JARID2: variants seen among roughly 807,000 people sequenced by gnomAD.
JARID2 encodes the protein jumonji and AT-rich interaction domain containing 2, also known as protein Jumonji.
A neutral mutation model predicts 125.6 loss-of-function variants in JARID2; 21 were observed. That is an observed-to-expected ratio of 0.17 (90% CI 0.12 to 0.24). JARID2 has a LOEUF of 0.24. Among genes scored for constraint, JARID2 ranks in the 10% least tolerant of loss-of-function variants. The probability of loss-of-function intolerance (pLI) is 1.00; values close to 1 mark genes in which losing one functional copy is unlikely to be tolerated. For synonymous variants in JARID2, 736 were observed against 661.6 expected (o/e 1.11, Z -1.73); for missense variants, 1,303 against 1,639.6 (o/e 0.79, Z 3.55).
intron 3 of JARID2, among the ~76,000 whole-genome samples, chr6:15,446,622 A>G (rs113261227): frequency 4.6e-5 from 7 of 152,256 alleles, no homozygotes; most frequent in Middle Eastern, 3.4e-3. Context: ...AATACACTCT[A>G]TGGGATCCCA....
At chr6:15,251,216 A>G (rs956362649) in intron 1 of JARID2, among the ~76,000 whole-genome samples, 1 of 152,116 alleles carries the variant, frequency 6.6e-6, no homozygotes, top group African/African-American at 2.4e-5. Context: ...TCATTTCACC[A>G]TATTGGCCTA....
chr6:15,473,081 C>A (rs529850418), intron 5 of JARID2, among the ~76,000 whole-genome samples: 1 of 152,244 alleles, frequency 6.6e-6, no homozygotes, highest in Admixed American at 6.5e-5. Context: ...TTACATGTTC[C>A]CGAAATTGCT....
chr6:15,395,701 T>G (rs1412907438), intron 2 of JARID2, among the ~76,000 whole-genome samples: 1 of 150,820 alleles, frequency 6.6e-6, no homozygotes, highest in Non-Finnish European at 1.5e-5. Context: ...CTCCCAGCTC[T>G]GTCACCAGGC....
intron 6 of JARID2, 128 bp from the exon 7 acceptor site, chr6:15,496,004 T>C (rs1770398722): frequency 2.7e-6 from 2 of 749,636 alleles, no homozygotes; most frequent in South Asian, 1.7e-5. Flanking sequence ...TCTCTTCTTA[T>C]CACACTACAG....
Position 15,390,549 on chromosome 6 carries a change from C to T in JARID2, c.181+16297C>T, listed in dbSNP as rs370265666. On this transcript the variant is annotated intron_variant, in intron 2 of 17. Transcript: ENST00000341776. ...AGTGGATGTTGACATCCCTGCTGGCCGATTTCTTAGCCCCTCTGTGAGAAA... is the reference window on the plus strand; with the variant it reads ...AGTGGATGTTGACATCCCTGCTGGCTGATTTCTTAGCCCCTCTGTGAGAAA... Among the ~76,000 whole-genome samples the T allele has an allele frequency of 2.8e-4, 42 of 152,244 alleles. No individual in the cohort carries two copies. In the East Asian group the frequency reaches 5.4e-3, roughly 20 times the overall value.
chr6:15,418,455 C>T (rs376041486), intron 3 of JARID2, among the ~76,000 whole-genome samples: 3 of 152,136 alleles, frequency 2.0e-5, no homozygotes, highest in Non-Finnish European at 2.9e-5. Context: ...ACCTCGTGAT[C>T]GCCCGCCTCG....
intron 1 of JARID2, among the ~76,000 whole-genome samples, chr6:15,313,412 A>G (rs1352458059): frequency 6.6e-6 from 1 of 152,160 alleles, no homozygotes; most frequent in Non-Finnish European, 1.5e-5. Flanking sequence ...CAGCTCCCCA[A>G]GCCCTAGGAG....
At chr6:15,440,481 T>C (rs1767399322) in intron 3 of JARID2, among the ~76,000 whole-genome samples, 1 of 152,316 alleles carries the variant, frequency 6.6e-6, no homozygotes, top group South Asian at 2.1e-4. Flanking sequence ...GGTTTCTGTT[T>C]TGTGGCCTGA....
intron 3 of JARID2, among the ~76,000 whole-genome samples, chr6:15,436,972 T>C (rs558562459): frequency 6.6e-6 from 1 of 152,264 alleles, no homozygotes; most frequent in South Asian, 2.1e-4. Context: ...GAGCTCTAAA[T>C]GGAACCCTCC....
intron 1 of JARID2, among the ~76,000 whole-genome samples, chr6:15,347,912 C>G (rs909946402): frequency 6.6e-6 from 1 of 152,028 alleles, no homozygotes; most frequent in East Asian, 1.9e-4. Context: ...CCACCATGCC[C>G]AGTTGATTTT....
At chr6:15,375,478 T>C (rs1273692060) in intron 2 of JARID2, among the ~76,000 whole-genome samples, 1 of 152,224 alleles carries the variant, frequency 6.6e-6, no homozygotes, top group East Asian at 1.9e-4. Context: ...TTTTGAGTCT[T>C]AACATTTGCA....
intron 1 of JARID2, among the ~76,000 whole-genome samples, chr6:15,286,399 C>T (rs1420691558): frequency 6.6e-6 from 1 of 151,524 alleles, no homozygotes; most frequent in East Asian, 2.0e-4. Flanking sequence ...TTACAGGTGC[C>T]CACCACCACA....
At chr6:15,250,432 TC>T (rs1348425836) in intron 1 of JARID2, among the ~76,000 whole-genome samples, 5 of 152,178 alleles carry the variant, frequency 3.3e-5, no homozygotes, top group African/African-American at 9.7e-5. Flanking sequence ...ATTTTTTCTT[TC>T]CTGGGATGTT....
chr6:15,494,855 C>T (rs1373531253), intron 6 of JARID2, among the ~76,000 whole-genome samples: 1 of 152,186 alleles, frequency 6.6e-6, no homozygotes. Context: ...TGTTTCAGTA[C>T]CCTCTGGGCC....
chr6:15,417,341 A>C (rs925985043), intron 3 of JARID2, among the ~76,000 whole-genome samples: 1 of 152,216 alleles, frequency 6.6e-6, no homozygotes, highest in East Asian at 1.9e-4. Context: ...GGCAGGTTAT[A>C]TAATATGTCT....
intron 1 of JARID2, among the ~76,000 whole-genome samples, chr6:15,257,521 C>T (rs1469499895): frequency 6.6e-6 from 1 of 152,202 alleles, no homozygotes; most frequent in Non-Finnish European, 1.5e-5. Flanking sequence ...TTTCTTGACT[C>T]ATCTCTTCGG....
intron 3 of JARID2, among the ~76,000 whole-genome samples, chr6:15,411,346 G>T (rs550781032): frequency 6.6e-6 from 1 of 152,328 alleles, no homozygotes; most frequent in East Asian, 1.9e-4. Context: ...TAAGATTCCT[G>T]TTTTCAGGAC....
At chr6:15,328,102 G>T (rs1245717048) in intron 1 of JARID2, among the ~76,000 whole-genome samples, 3 of 152,076 alleles carry the variant, frequency 2.0e-5, no homozygotes, top group Non-Finnish European at 4.4e-5. Flanking sequence ...ACTCTCCTCT[G>T]TGTGAGAGTT....
intron 4 of JARID2, among the ~76,000 whole-genome samples, chr6:15,453,855 G>A (rs907766178): frequency 2.6e-5 from 4 of 152,082 alleles, no homozygotes; most frequent in African/African-American, 9.7e-5. Context: ...CTCAGTCCTG[G>A]AATTGGCCAT....
Sources: allele counts gnomAD v4.1 joint callset (sites outside exome capture counted in the v4.1 genomes callset), GRCh38; gene constraint gnomAD v4.1.1; transcripts MANE v1.5; gene names NCBI Gene and HGNC (gene_info 2026-07-23, HGNC 2026-07-21).